The following RAC1 variants were observed in gnomAD, a reference collection of about 807,000 sequenced individuals.
The protein encoded by RAC1 is Rac family small GTPase 1.
In RAC1, 2 loss-of-function variants were observed where a neutral mutation model predicts 25.2. The ratio of observed to expected loss-of-function variants is 0.08; its 90% CI spans 0.03 to 0.25. RAC1 has a LOEUF of 0.25. Ranked by LOEUF, RAC1 falls within the 10% of genes least tolerant of loss-of-function variation. The pLI, the probability that RAC1 is intolerant of heterozygous loss-of-function variation, is 1.00. For missense variants in RAC1, 50 were observed against 235.7 expected (o/e 0.21, Z 5.16); for synonymous variants, 88 against 94.0 (o/e 0.94, Z 0.37).
chr7:6,402,792 C>T lies in RAC1; in HGVS notation c.*346C>T. 1 of 217,126 alleles carries T rather than the reference C, an allele frequency of 4.6e-6. No homozygotes were observed. The highest frequency in any genetic ancestry group is 9.3e-6 in the Non-Finnish European group (1 of 107,738). The allele number at this position is 217,126 out of a possible 1,614,324, so 13.4% of individuals were successfully genotyped here. On this transcript the variant is annotated 3_prime_UTR_variant, in exon 6 of 6. Transcript: ENST00000348035. ...TTCTGAACTACACTGCATTGTTGTGCCGAGAACACCGAGCACTGAACTTTG... is the reference window on the plus strand; with the variant it reads ...TTCTGAACTACACTGCATTGTTGTGTCGAGAACACCGAGCACTGAACTTTG...
At chr7:6,393,197 G>C (rs2115203201) in intron 3 of RAC1, among the ~76,000 whole-genome samples, 1 of 152,254 alleles carries the variant, frequency 6.6e-6, no homozygotes, top group African/African-American at 2.4e-5. Context: ...TCGTTGTAGG[G>C]GGTAATATGG....
chr7:6,382,159 A>G (rs1438784850), intron 1 of RAC1, among the ~76,000 whole-genome samples: 1 of 151,864 alleles, frequency 6.6e-6, no homozygotes, highest in South Asian at 2.1e-4. Flanking sequence ...ACACTCAGCT[A>G]ATTTTTTGTA....
Position 6,388,346 on chromosome 7 carries a change from C to CTTT in RAC1, c.107+1079_107+1081dup, listed in dbSNP as rs71008389. On this transcript the variant is annotated intron_variant, in intron 2 of 5. Coordinates refer to ENST00000348035, the MANE Select transcript of RAC1 (RefSeq NM_006908.5). ...TTTTGTTGTTGTTGTTGTTGTTTTC[C>CTTT]TTTTTTTTTTTTTTTTTTGGAGTTA... 8.0e-4 allele frequency among the ~76,000 whole-genome samples: 98 copies of CTTT among 121,804 alleles called. 2 individuals carry two copies. Among genetic ancestry groups the CTTT allele is most frequent in the African/African-American group, 1.7e-3 (58 of 33,320 alleles). The allele number at this position is 121,804 out of a possible 152,430, so 79.9% of individuals were successfully genotyped here.
rs191458259 is a variant in RAC1, at chr7:6,392,734, T to C, written c.225+693T>C. On this transcript the variant is annotated intron_variant, in intron 3 of 5. Coordinates refer to ENST00000348035, the MANE Select transcript of RAC1 (RefSeq NM_006908.5). ...GTTTTACTTGTGTATCATTTGCTTA[T>C]CTTGTTACATGTTTGTTCTTCATTT... is the stretch of plus-strand genomic sequence containing the variant. 4.7e-3 allele frequency among the ~76,000 whole-genome samples: 714 copies of C among 152,350 alleles called. 4 individuals are homozygous for C. Among genetic ancestry groups the C allele is most frequent in the Non-Finnish European group, 8.2e-3 (558 of 68,036 alleles).
intron 4 of RAC1, among the ~76,000 whole-genome samples, chr7:6,400,710 T>C (rs1783374504): frequency 1.3e-5 from 2 of 152,062 alleles, no homozygotes; most frequent in Admixed American, 6.6e-5. Context: ...AGTTTCACTC[T>C]TGTTGCCCAG....
At chr7:6,383,434 T>TC (rs149912947) in intron 1 of RAC1, among the ~76,000 whole-genome samples, 1 of 84,494 alleles carries the variant, frequency 1.2e-5, no homozygotes, top group Non-Finnish European at 2.0e-5. Context: ...AAGGTTGCAC[T>TC]TTAAGAATTC....
chr7:6,400,327 GT>G lies in RAC1; in HGVS notation c.288+150del, dbSNP rs58955862. On this transcript the variant is annotated intron_variant, in intron 4 of 5. Coordinates refer to ENST00000348035, the MANE Select transcript of RAC1 (RefSeq NM_006908.5). Reference sequence around the variant, plus strand: ...ATTTGCTACTTAAGTACATGATTGGGTTTTTTTTTTTCTTTTGAGACGGAGG... The same window carrying G: ...ATTTGCTACTTAAGTACATGATTGGGTTTTTTTTTTCTTTTGAGACGGAGG... The G allele has an allele frequency of 5.8e-3, 3,470 of 597,192 alleles. 1 individual carries two copies. Among genetic ancestry groups the G allele is most frequent in the Middle Eastern group, 8.8e-3 (17 of 1,932 alleles). 37.0% of individuals were successfully genotyped at this position (597,192 alleles called of 1,614,324 possible). A position where few individuals can be genotyped will look rare whatever the true frequency, so the allele number is the denominator to read the frequency against.
intron 3 of RAC1, among the ~76,000 whole-genome samples, chr7:6,392,608 C>T (rs1440275130): frequency 6.6e-6 from 1 of 152,174 alleles, no homozygotes; most frequent in African/African-American, 2.4e-5. Context: ...TATCAGACAA[C>T]TAAGTGATTT....
At chr7:6,376,779 GTTTTTTTTT>G (rs35795933) in intron 1 of RAC1, among the ~76,000 whole-genome samples, 5 of 116,384 alleles carry the variant, frequency 4.3e-5, no homozygotes, top group African/African-American at 1.7e-4. Flanking sequence ...GCCTCGGCCT[GTTTTTTTTT>G]TTTTTTTTTT....
At chr7:6,399,080 G>A (rs1007971000) in intron 3 of RAC1, among the ~76,000 whole-genome samples, 7 of 151,692 alleles carry the variant, frequency 4.6e-5, no homozygotes, top group African/African-American at 1.4e-4. Flanking sequence ...TTCTTTCTCC[G>A]CTTGGGTGTC....
At chr7:6,388,346 C>CTTTTTTTTTTT (rs71008389) in intron 2 of RAC1, among the ~76,000 whole-genome samples, 1 of 121,826 alleles carries the variant, frequency 8.2e-6, no homozygotes, top group Non-Finnish European at 1.7e-5. Context: ...TGTTGTTTTC[C>CTTTTTTTTTTT]TTTTTTTTTT....
chr7:6,383,160 T>G (rs1168971440), intron 1 of RAC1, among the ~76,000 whole-genome samples: 2 of 152,150 alleles, frequency 1.3e-5, no homozygotes, highest in Non-Finnish European at 2.9e-5. Flanking sequence ...CTACCAGAAA[T>G]TCTCCAGCAG....
chr7:6,397,468 T>C lies in RAC1; in HGVS notation c.226-2658T>C, dbSNP rs1439387827. 4.6e-5 allele frequency among the ~76,000 whole-genome samples: 7 copies of C among 151,724 alleles called. No homozygotes were observed. In the East Asian group the frequency reaches 1.4e-3, roughly 31 times the overall value. The stretch of plus-strand genomic sequence containing the variant: ...GCCACCATGCCCGGCTAATTTTTTG[T>C]ATTTTTAGTAGACACAGGGTTTCAC... On this transcript the variant is annotated intron_variant, in intron 3 of 5. Transcript: ENST00000348035.
In RAC1 at chr7:6,402,526, A is replaced by AAAC. The variant is rs1554264366; in HGVS notation, c.*82_*83insCAA. Reference sequence around the variant, plus strand: ...TCAAAAAAAAACAAAAAAAAAAAACAAAAAAAAAAAACAACGGTGGAGCCT... The same window carrying AAAC: ...TCAAAAAAAAACAAAAAAAAAAAACAAACAAAAAAAAAAACAACGGTGGAGCCT... On this transcript the variant is annotated 3_prime_UTR_variant, in exon 6 of 6. Transcript: ENST00000348035. The AAAC allele has an allele frequency of 3.7e-3, 2,592 of 703,856 alleles. 282 individuals are homozygous for AAAC. In the African/African-American group the frequency reaches 0.052, roughly 14 times the overall value. 43.6% of individuals were successfully genotyped at this position (703,856 alleles called of 1,614,324 possible).
intron 2 of RAC1, among the ~76,000 whole-genome samples, chr7:6,388,380 C>G (rs1163526252): frequency 6.9e-5 from 9 of 130,840 alleles, no homozygotes; most frequent in African/African-American, 2.5e-4. Context: ...TAGTCTCTCT[C>G]TCTTGCCCAG....
chr7:6,378,759 C>T (rs2115183062), intron 1 of RAC1, among the ~76,000 whole-genome samples: 1 of 152,038 alleles, frequency 6.6e-6, no homozygotes, highest in Non-Finnish European at 1.5e-5. Context: ...CTTAGTGGAC[C>T]TTTGCCCCAA....
intron 3 of RAC1, among the ~76,000 whole-genome samples, chr7:6,392,301 G>T (rs1165539928): frequency 6.6e-6 from 1 of 152,116 alleles, no homozygotes; most frequent in Non-Finnish European, 1.5e-5. Context: ...GTATGAAAGA[G>T]CTACTTTTTG....
intron 1 of RAC1, among the ~76,000 whole-genome samples, chr7:6,380,498 C>T (rs1353943767): frequency 6.6e-6 from 1 of 152,104 alleles, no homozygotes; most frequent in African/African-American, 2.4e-5. Flanking sequence ...CCCTTTATAA[C>T]TTTCTGTCTT....
At chr7:6,400,023 G>A (rs559414426) in intron 3 of RAC1, 103 bp from the exon 4 acceptor site, 3 of 1,043,732 alleles carry the variant, frequency 2.9e-6, no homozygotes, top group East Asian at 2.4e-5. Flanking sequence ...TGGTAGACAC[G>A]CTCTGCGTCC....
Sources: gnomAD v4.1 joint callset for allele counts (sites outside exome capture counted in the v4.1 genomes callset) on GRCh38, gnomAD v4.1.1 for gene constraint, MANE v1.5 for transcripts, NCBI Gene and HGNC (gene_info 2026-07-23, HGNC 2026-07-21) for gene names.